Variants in HSDL1 observed in about 807,000 individuals in gnomAD.
HSDL1 encodes hydroxysteroid dehydrogenase like 1, also known as inactive hydroxysteroid dehydrogenase-like protein 1.
Under a neutral mutation model 31.5 loss-of-function variants are expected in HSDL1, and 29 were observed. That is an observed-to-expected ratio of 0.92 (90% confidence interval 0.69 to 1.26). The LOEUF (loss-of-function observed/expected upper bound fraction) is 1.26, where lower values mean the gene tolerates loss of function less well. Ranked by LOEUF, HSDL1 falls within the 50% of genes most tolerant of loss-of-function variation. The pLI, the probability that HSDL1 is intolerant of heterozygous loss-of-function variation, is 0.00. For missense variants in HSDL1, 503 were observed against 416.6 expected (o/e 1.21, Z -1.81); for synonymous variants, 222 against 155.2 (o/e 1.43, Z -3.20).
At position 84,122,778 on chromosome 16, in the gene HSDL1, T is replaced by A. The variant is rs185397067; in HGVS notation, c.*1852A>T. ...TAGAGAAGGTCTTGCTCTTCATCTT[T>A]CACTGCAGCTATGGACAGCTCGGCA... On this transcript the variant is annotated 3_prime_UTR_variant, in exon 6 of 6. Coordinates refer to ENST00000219439, the MANE Select transcript of HSDL1 (RefSeq NM_031463.5). 3.3e-5 allele frequency: 5 copies of A among 152,370 alleles called. No homozygotes were observed. In the East Asian group the frequency reaches 9.6e-4, roughly 29 times the overall value. 9.4% of individuals were successfully genotyped at this position (152,370 alleles called of 1,614,324 possible).
intron 5 of HSDL1, among the ~76,000 whole-genome samples, chr16:84,126,868 G>C (rs907139357): frequency 6.6e-6 from 1 of 152,172 alleles, no homozygotes; most frequent in Admixed American, 6.5e-5. Flanking sequence ...AAAAATGATA[G>C]TGTTGAAAAT....
At position 84,129,529 on chromosome 16, in the gene HSDL1, A is replaced by C; in HGVS notation, c.894+19T>G. On this transcript the variant is annotated intron_variant, in intron 5 of 5. Coordinates refer to ENST00000219439, the MANE Select transcript of HSDL1 (RefSeq NM_031463.5). ...CATGATGCATTAATCTAATTATGAG[A>C]CCTGAAGCACACTCCTACCTGAATA... The C allele has an allele frequency of 6.5e-7, 1 of 1,547,102 alleles. No homozygotes were observed. The highest frequency in any genetic ancestry group is 8.9e-7 in the Non-Finnish European group (1 of 1,118,766).
At chr16:84,132,145 G>C (rs934537786) in intron 2 of HSDL1, among the ~76,000 whole-genome samples, 1 of 152,218 alleles carries the variant, frequency 6.6e-6, no homozygotes, top group African/African-American at 2.4e-5. Context: ...TATGCTCTGT[G>C]CCTGTAACAT....
At position 84,133,773 on chromosome 16, in the gene HSDL1, C is replaced by T. The variant is rs896039800; in HGVS notation, c.-7+1771G>A. Among the ~76,000 whole-genome samples the T allele has an allele frequency of 1.3e-5, 2 of 152,056 alleles. 1 individual carries two copies. The highest frequency in any genetic ancestry group is 2.9e-5 in the Non-Finnish European group (2 of 68,012). On this transcript the variant is annotated intron_variant, in intron 2 of 5. Transcript: ENST00000219439. ...GTTTTCCTCAAATGAAAAGTTGGGC[C>T]CCTTTATTCCCTACAGGTAAAATGC... is the stretch of plus-strand genomic sequence containing the variant.
chr16:84,139,548 A>G (rs923769588), intron 1 of HSDL1, among the ~76,000 whole-genome samples: 3 of 152,180 alleles, frequency 2.0e-5, no homozygotes, highest in Non-Finnish European at 2.9e-5. Context: ...CGCAGTCACA[A>G]TGACTTCAGA....
In HSDL1 at chr16:84,124,164, T is replaced by A. The variant is rs1297845666; in HGVS notation, c.*466A>T. ...CTAGAGCTATACAATACACACAGAT[T>A]TTTCCTAATAGTACCAGCAATCTTA... is the stretch of plus-strand genomic sequence containing the variant. On this transcript the variant is annotated 3_prime_UTR_variant, in exon 6 of 6. Transcript: ENST00000219439. The A allele has an allele frequency of 6.1e-6, 1 of 163,154 alleles. No individual in the cohort carries two copies. The highest frequency in any genetic ancestry group is 2.4e-5 in the African/African-American group (1 of 41,604). 10.1% of individuals were successfully genotyped at this position (163,154 alleles called of 1,614,324 possible). A position where few individuals can be genotyped will look rare whatever the true frequency, so the allele number is the denominator to read the frequency against.
Position 84,124,646 on chromosome 16 carries a change from A to G in HSDL1, c.977T>C (p.Leu326Ser). ...ILNRSLRKEA[L>S]SCTA The stretch of plus-strand genomic sequence containing the variant: ...CATCCAGACTCAGGCTGTGCAGGAT[A>G]AGGCTTCCTTACGTAGTGAACGGTT... Residue 326 changes from leucine to serine, a missense_variant, in exon 6 of 6, where the codon TTA becomes TCA. Physicochemically the swap from Leu to Ser is moderately radical, Grantham distance 145. Coordinates refer to ENST00000219439, the MANE Select transcript of HSDL1 (RefSeq NM_031463.5). The G allele has an allele frequency of 6.2e-7, 1 of 1,612,834 alleles. No homozygotes were observed. Among genetic ancestry groups the G allele is most frequent in the South Asian group, 1.1e-5 (1 of 91,058 alleles).
At chr16:84,132,016 G>A (rs1020733023) in intron 2 of HSDL1, among the ~76,000 whole-genome samples, 4 of 152,120 alleles carry the variant, frequency 2.6e-5, no homozygotes, top group East Asian at 1.9e-4. Context: ...TTTAACATCC[G>A]TAGCTTATAA....
chr16:84,142,481 G>A (rs1045979244), intron 1 of HSDL1, among the ~76,000 whole-genome samples: 4 of 131,766 alleles, frequency 3.0e-5, no homozygotes, highest in Non-Finnish European at 3.1e-5. Context: ...TGTCACCCAG[G>A]CTGGAGTGCA....
intron 1 of HSDL1, among the ~76,000 whole-genome samples, chr16:84,136,622 C>T (rs1446409951): frequency 2.0e-5 from 3 of 152,260 alleles, no homozygotes; most frequent in Admixed American, 1.3e-4. Context: ...AGAGGAGATG[C>T]ACCCACTGCA....
intron 1 of HSDL1, among the ~76,000 whole-genome samples, chr16:84,136,589 A>G (rs1597378146): frequency 2.0e-5 from 3 of 152,322 alleles, no homozygotes; most frequent in South Asian, 4.1e-4. Context: ...TAAACCCACC[A>G]GGGACCTCCC....
chr16:84,129,895 G>A, intron 4 of HSDL1, 91 bp downstream of exon 4: 2 of 1,435,454 alleles, frequency 1.4e-6, no homozygotes, highest in Non-Finnish European at 1.9e-6. Flanking sequence ...TATGTGAGTT[G>A]CTGACAAAGA....
intron 2 of HSDL1, among the ~76,000 whole-genome samples, chr16:84,133,522 G>C (rs933807953): frequency 6.6e-6 from 1 of 152,200 alleles, no homozygotes; most frequent in Non-Finnish European, 1.5e-5. Flanking sequence ...AGGTGGTCAG[G>C]AGTTCAAGAC....
chr16:84,136,726 G>C (rs964445785), intron 1 of HSDL1, among the ~76,000 whole-genome samples: 3 of 152,216 alleles, frequency 2.0e-5, no homozygotes, highest in African/African-American at 7.2e-5. Context: ...CCTCTTGTCA[G>C]GGGAGCGCCA....
At chr16:84,141,217 G>A (rs568148795) in intron 1 of HSDL1, among the ~76,000 whole-genome samples, 4 of 111,646 alleles carry the variant, frequency 3.6e-5, no homozygotes, top group African/African-American at 2.0e-4. Context: ...ACTCATCCAT[G>A]CCCCTGCAGC....
intron 5 of HSDL1, among the ~76,000 whole-genome samples, chr16:84,127,338 C>T (rs150557624): frequency 6.6e-6 from 1 of 150,434 alleles, no homozygotes; most frequent in East Asian, 2.0e-4. Context: ...GCCTCAGACT[C>T]CCAGGTAGCT....
At chr16:84,129,162 C>G (rs1355164914) in intron 5 of HSDL1, among the ~76,000 whole-genome samples, 1 of 152,012 alleles carries the variant, frequency 6.6e-6, no homozygotes, top group Non-Finnish European at 1.5e-5. Context: ...GCAGGCAGAT[C>G]ATGAGGCCGG....
In HSDL1 at chr16:84,124,413, A is replaced by C; in HGVS notation, c.*217T>G. The C allele has an allele frequency of 2.3e-6, 1 of 426,190 alleles. No individual in the cohort carries two copies. The highest frequency in any genetic ancestry group is 3.7e-5 in the Admixed American group (1 of 26,810). The allele number at this position is 426,190 out of a possible 1,614,324, so 26.4% of individuals were successfully genotyped here. A position where few individuals can be genotyped will look rare whatever the true frequency, so the allele number is the denominator to read the frequency against. ...AAAGCACTGAAATGTAGATGTCGTC[A>C]ATCAGCCTCAGGCATTATTGATCCT... On this transcript the variant is annotated 3_prime_UTR_variant, in exon 6 of 6. Transcript: ENST00000219439.
chr16:84,130,945 G>C lies in HSDL1; in HGVS notation c.220+157C>G, dbSNP rs145252085. 614 of 649,142 alleles carry C rather than the reference G, an allele frequency of 9.5e-4. 2 individuals carry two copies. Among genetic ancestry groups the C allele is most frequent in the African/African-American group, 6.7e-3 (370 of 54,978 alleles). 40.2% of individuals were successfully genotyped at this position (649,142 alleles called of 1,614,324 possible). ...GCCAGTTCTTCCTAAGATGAGAGCAGTAAGAAAATGAAATGTGAACATAAT... is the reference window on the plus strand; with the variant it reads ...GCCAGTTCTTCCTAAGATGAGAGCACTAAGAAAATGAAATGTGAACATAAT... On this transcript the variant is annotated intron_variant, in intron 3 of 5. Transcript: ENST00000219439.
Sources: allele counts gnomAD v4.1 joint callset (sites outside exome capture counted in the v4.1 genomes callset), GRCh38; gene constraint gnomAD v4.1.1; transcripts MANE v1.5; gene names NCBI Gene and HGNC (gene_info 2026-07-23, HGNC 2026-07-21).